KIAA1217: variants seen among roughly 807,000 people sequenced by gnomAD.
KIAA1217 encodes KIAA1217.
Under a neutral mutation model 163.9 loss-of-function variants are expected in KIAA1217, and 88 were observed. The observed-to-expected ratio is 0.54, with a 90% CI of 0.45 to 0.64. The LOEUF (loss-of-function observed/expected upper bound fraction) is 0.64, where lower values mean the gene tolerates loss of function less well. KIAA1217 is among the 30% of genes least tolerant of loss of function. KIAA1217 has a pLI of 0.00. For synonymous variants in KIAA1217, 903 were observed against 923.1 expected (o/e 0.98, Z 0.39); for missense variants, 2,372 against 2,475.0 (o/e 0.96, Z 0.88).
chr10:24,306,520 G>C (rs2042020115), intron 2 of KIAA1217, among the ~76,000 whole-genome samples: 1 of 152,186 alleles, frequency 6.6e-6, no homozygotes, highest in Non-Finnish European at 1.5e-5. Context: ...AGGTGCTCAA[G>C]CATGGTTTTT....
intron 6 of KIAA1217, among the ~76,000 whole-genome samples, chr10:24,492,145 T>C (rs998162448): frequency 6.6e-6 from 1 of 152,200 alleles, no homozygotes; most frequent in Non-Finnish European, 1.5e-5. Flanking sequence ...AAGTCATTCA[T>C]TTCCCAAGAG....
chr10:24,426,477 A>C (rs2059178121), intron 3 of KIAA1217, among the ~76,000 whole-genome samples: 1 of 152,106 alleles, frequency 6.6e-6, no homozygotes, highest in African/African-American at 2.4e-5. Flanking sequence ...TACAAAAATT[A>C]GCCGGACATG....
intron 1 of KIAA1217, among the ~76,000 whole-genome samples, chr10:23,942,995 A>G (rs1843848860): frequency 6.6e-6 from 1 of 151,866 alleles, no homozygotes; most frequent in Non-Finnish European, 1.5e-5. Context: ...TGTGGCACAC[A>G]TACCTGTAGC....
chr10:24,134,128 G>T (rs765454080), intron 2 of KIAA1217, among the ~76,000 whole-genome samples: 1 of 152,168 alleles, frequency 6.6e-6, no homozygotes, highest in African/African-American at 2.4e-5. Context: ...AGAGTACAAG[G>T]GTGTTTAAGG....
At chr10:24,436,550 A>C (rs1050403938) in intron 4 of KIAA1217, among the ~76,000 whole-genome samples, 1 of 151,586 alleles carries the variant, frequency 6.6e-6, no homozygotes, top group Non-Finnish European at 1.5e-5. Flanking sequence ...CGAGGTCAGG[A>C]GATCGAGACC....
At chr10:24,104,265 G>A (rs2062533298) in intron 2 of KIAA1217, among the ~76,000 whole-genome samples, 1 of 152,154 alleles carries the variant, frequency 6.6e-6, no homozygotes, top group Non-Finnish European at 1.5e-5. Context: ...GAGCAACAAT[G>A]ATGTCCTCCA....
intron 17 of KIAA1217, among the ~76,000 whole-genome samples, chr10:24,540,260 G>A: frequency 6.6e-6 from 1 of 152,168 alleles, no homozygotes; most frequent in African/African-American, 2.4e-5. Context: ...TTGAGACCGA[G>A]TCTCGCTCTC....
At chr10:24,415,640 C>T (rs2058183011) in intron 3 of KIAA1217, among the ~76,000 whole-genome samples, 1 of 152,098 alleles carries the variant, frequency 6.6e-6, no homozygotes, top group Non-Finnish European at 1.5e-5. Context: ...GGTCTCAACC[C>T]CCTTCCGCCT....
At chr10:24,180,271 C>G (rs547491015) in intron 2 of KIAA1217, among the ~76,000 whole-genome samples, 188 of 146,810 alleles carry the variant, frequency 1.3e-3, no homozygotes, top group African/African-American at 4.7e-3. Flanking sequence ...TCCTCAACTC[C>G]TCAACCTTCT....
chr10:24,476,745 G>A (rs531672699), intron 6 of KIAA1217, among the ~76,000 whole-genome samples: 5 of 152,154 alleles, frequency 3.3e-5, no homozygotes, highest in East Asian at 3.9e-4. Context: ...TCCAGAGGGT[G>A]GAATTGGAAT....
chr10:24,093,682 G>A (rs2062029604), intron 2 of KIAA1217, among the ~76,000 whole-genome samples: 1 of 150,894 alleles, frequency 6.6e-6, no homozygotes. Context: ...TAAGTTTTAG[G>A]GTACATGGGC....
intron 3 of KIAA1217, among the ~76,000 whole-genome samples, chr10:24,407,842 C>T (rs1042221793): frequency 3.3e-5 from 5 of 152,238 alleles, no homozygotes; most frequent in Admixed American, 2.0e-4. Context: ...CCGTGAAAAG[C>T]GTCCACTTGT....
chr10:23,810,718 ATATACAG>A (rs1239954237), intron 1 of KIAA1217, among the ~76,000 whole-genome samples: 1 of 127,044 alleles, frequency 7.9e-6, no homozygotes, highest in Non-Finnish European at 1.6e-5. Context: ...TAAATATACC[ATATACAG>A]TATACTATAT....
At chr10:23,763,020 A>G (rs1834340222) in intron 1 of KIAA1217, among the ~76,000 whole-genome samples, 2 of 152,170 alleles carry the variant, frequency 1.3e-5, no homozygotes, top group Admixed American at 6.5e-5. Context: ...CACAATTGCT[A>G]CAAAGGAATA....
chr10:24,455,532 G>A lies in KIAA1217; in HGVS notation c.846+17053G>A, dbSNP rs192606814. The stretch of plus-strand genomic sequence containing the variant: ...TGTTTTTGATATAAATGTAGGACAG[G>A]ACTAGAATGGATAATGTAGTTGAAA... On this transcript the variant is annotated intron_variant, in intron 5 of 20. Coordinates refer to ENST00000376454, the MANE Select transcript of KIAA1217 (RefSeq NM_019590.5). Among the ~76,000 whole-genome samples, 110 of 152,322 alleles carry A rather than the reference G, an allele frequency of 7.2e-4. 4 individuals carry two copies. The East Asian group carries it at 0.014, about 19-fold the overall frequency.
At chr10:24,112,056 C>T (rs899884906) in intron 2 of KIAA1217, among the ~76,000 whole-genome samples, 4 of 152,138 alleles carry the variant, frequency 2.6e-5, no homozygotes, top group Non-Finnish European at 4.4e-5. Context: ...CTGCCTTGGA[C>T]TCCCAAAGTA....
chr10:24,055,981 G>A (rs1435897722), intron 2 of KIAA1217, among the ~76,000 whole-genome samples: 1 of 151,538 alleles, frequency 6.6e-6, no homozygotes, highest in Non-Finnish European at 1.5e-5. Flanking sequence ...TACCCCAAAT[G>A]TCTTTTATAA....
At chr10:24,141,229 C>CA (rs1436412655) in intron 2 of KIAA1217, among the ~76,000 whole-genome samples, 1 of 120,736 alleles carries the variant, frequency 8.3e-6, no homozygotes, top group Non-Finnish European at 1.8e-5. Context: ...GAATAAACCC[C>CA]CCCCCCCCAT....
chr10:24,335,584 TTTTATTTATTTA>T (rs58982993), intron 2 of KIAA1217, among the ~76,000 whole-genome samples: 2 of 138,424 alleles, frequency 1.4e-5, no homozygotes, highest in South Asian at 2.4e-4. Context: ...TTTTATCTTA[TTTTATTTATTTA>T]TTTATTTATT....
Sources: allele counts gnomAD v4.1 joint callset (sites outside exome capture counted in the v4.1 genomes callset), GRCh38; gene constraint gnomAD v4.1.1; transcripts MANE v1.5; gene names NCBI Gene and HGNC (gene_info 2026-07-23, HGNC 2026-07-21).